Variants in HPS5 observed in about 807,000 individuals in gnomAD.
HPS5 encodes the protein BLOC-2 complex member HPS5.
Under a neutral mutation model 128.0 loss-of-function variants are expected in HPS5, and 83 were observed. The ratio of observed to expected loss-of-function variants is 0.65; its 90% CI spans 0.54 to 0.78. HPS5 has a LOEUF of 0.78. Among genes scored for constraint, HPS5 ranks in the 30% least tolerant of loss-of-function variants. The pLI is 0.00. For missense variants in HPS5, 1,281 were observed against 1,326.2 expected, an observed-to-expected ratio of 0.97 and a Z score of 0.53; for synonymous variants, 475 against 470.2, an observed-to-expected ratio of 1.01 and a Z score of -0.13.
At chr11:18,288,385 C>T (rs1287435339) in intron 16 of HPS5, among the ~76,000 whole-genome samples, 1 of 152,106 alleles carries the variant, frequency 6.6e-6, no homozygotes, top group East Asian at 1.9e-4. Context: ...TGCCAAGTTG[C>T]TCAGTTTTTT....
Position 18,279,631 on chromosome 11 carries a change from A to C in HPS5, c.*251T>G. On this transcript the variant is annotated 3_prime_UTR_variant, in exon 23 of 23. Coordinates refer to ENST00000349215, the MANE Select transcript of HPS5 (RefSeq NM_181507.2). ...AACATTCTAATTCCAGCAAACAAGG[A>C]CTGACTCTTTTCAAAATTCAACTTT... The C allele has an allele frequency of 1.8e-6, 1 of 543,780 alleles. No individual in the cohort carries two copies. Among genetic ancestry groups the C allele is most frequent in the Non-Finnish European group, 3.3e-6 (1 of 303,306 alleles). The allele number at this position is 543,780 out of a possible 1,614,324, so 33.7% of individuals were successfully genotyped here.
At chr11:18,317,494 G>A (rs1032038851) in intron 2 of HPS5, among the ~76,000 whole-genome samples, 2 of 152,104 alleles carry the variant, frequency 1.3e-5, no homozygotes, top group African/African-American at 4.8e-5. Flanking sequence ...TGCCTCAAGT[G>A]ATCCACCCAC....
intron 21 of HPS5, 92 bp from the exon 22 acceptor site, chr11:18,282,312 A>G: frequency 7.2e-7 from 1 of 1,390,452 alleles, no homozygotes. Context: ...GTTTAATGCC[A>G]AAACGTAAAA....
In HPS5 at chr11:18,287,625, G is replaced by A. The variant is rs758438791; in HGVS notation, c.2627C>T (p.Pro876Leu). 1 of 1,614,050 alleles carries A rather than the reference G, an allele frequency of 6.2e-7. No homozygotes were observed. The highest frequency in any genetic ancestry group is 1.1e-5 in the South Asian group (1 of 91,078). Residue 876 changes from proline to leucine, a missense_variant, in exon 18 of 23, where the codon CCA becomes CTA. Physicochemically the swap from Pro to Leu is moderately conservative, Grantham distance 98. Coordinates refer to ENST00000349215, the MANE Select transcript of HPS5 (RefSeq NM_181507.2). ...ATGACAAAGTTGTATGATATCCGATGGCAAAATGGATGGAAAGAACTTGAT... is the reference window on the plus strand; with the variant it reads ...ATGACAAAGTTGTATGATATCCGATAGCAAAATGGATGGAAAGAACTTGAT... ...SLIKFFPSIL[P>L]SDIIQLCHHH...
At chr11:18,318,651 G>A (rs534067198) in intron 1 of HPS5, among the ~76,000 whole-genome samples, 2 of 151,950 alleles carry the variant, frequency 1.3e-5, no homozygotes, top group South Asian at 2.1e-4. Flanking sequence ...CCAATCTCCA[G>A]AAAAAAAGAA....
chr11:18,298,049 C>T (rs1286082304), intron 10 of HPS5, among the ~76,000 whole-genome samples: 1 of 149,528 alleles, frequency 6.7e-6, no homozygotes, highest in Non-Finnish European at 1.5e-5. Context: ...CATTGCACTC[C>T]ACTCCAGCCT....
intron 15 of HPS5, among the ~76,000 whole-genome samples, chr11:18,292,359 T>A (rs888207129): frequency 6.6e-6 from 1 of 152,004 alleles, no homozygotes; most frequent in African/African-American, 2.4e-5. Context: ...CTACACCCAC[T>A]ACACACAGCT....
At chr11:18,295,258 A>C in intron 13 of HPS5, 89 bp from the exon 14 acceptor site, 2 of 1,300,030 alleles carry the variant, frequency 1.5e-6, no homozygotes, top group Non-Finnish European at 1.1e-6. Context: ...CTCCCTAATA[A>C]GTCCTAGGGA....
rs1251246229 is a variant in HPS5, at chr11:18,285,400, A to G, written c.2897T>C (p.Leu966Pro). ...CTCTTTGGTTATAAAATCTGCAGGA[A>G]GTTTAATTAGATGAAGGATCAGCTG... is the stretch of plus-strand genomic sequence containing the variant. Reference protein sequence around the residue: ...YSQLILHLIKLPADFITKEKM... With the variant: ...YSQLILHLIKPPADFITKEKM... The change falls in exon 20 of 23, where the codon CTT becomes CCT. Residue 966 changes from leucine (L) to proline (P), a missense_variant. Coordinates refer to ENST00000349215, the MANE Select transcript of HPS5 (RefSeq NM_181507.2). The G allele has an allele frequency of 6.2e-7, 1 of 1,613,728 alleles. No homozygotes were observed. Among genetic ancestry groups the G allele is most frequent in the Non-Finnish European group, 8.5e-7 (1 of 1,179,726 alleles).
chr11:18,306,385 CA>C lies in HPS5; in HGVS notation c.612-39del, dbSNP rs750303551. ...AAGGAAGAGAAAGCAGATTTACTTACAAAAAAAAGTCAAAAACAACGGCACT... is the reference window on the plus strand; with the variant it reads ...AAGGAAGAGAAAGCAGATTTACTTACAAAAAAAGTCAAAAACAACGGCACT... On this transcript the variant is annotated intron_variant, in intron 6 of 22. Transcript: ENST00000349215. 140 of 1,497,582 alleles carry C rather than the reference CA, an allele frequency of 9.3e-5. No homozygotes were observed. In the Middle Eastern group the frequency reaches 1.4e-3, roughly 15 times the overall value. 92.8% of individuals were successfully genotyped at this position (1,497,582 alleles called of 1,614,324 possible). A position where few individuals can be genotyped will look rare whatever the true frequency, so the allele number is the denominator to read the frequency against.
chr11:18,288,465 TTTTTTTA>T (rs1443330533), intron 16 of HPS5, among the ~76,000 whole-genome samples: 1 of 152,146 alleles, frequency 6.6e-6, no homozygotes, highest in Non-Finnish European at 1.5e-5. Context: ...ATATTTGACC[TTTTTTTA>T]AAGTTACCAG....
At position 18,292,010 on chromosome 11, in the gene HPS5, T is replaced by C; in HGVS notation, c.1872A>G (p.Leu624=). The C allele has an allele frequency of 3.1e-6, 5 of 1,613,634 alleles. No homozygotes were observed. The highest frequency in any genetic ancestry group is 1.1e-5 in the South Asian group (1 of 91,058). Reference sequence around the variant, plus strand: ...ATTCAAATAAAACCAGAGGGTCCTGTAGCTTGGTCCTATACAAGACAGACA... The same window carrying C: ...ATTCAAATAAAACCAGAGGGTCCTGCAGCTTGGTCCTATACAAGACAGACA... The part of the protein sequence containing the change: ...KVATAEAMTK[L]QDPLVLFESE... Residue 624 remains leucine, a synonymous_variant, in exon 16 of 23, where the codon CTA becomes CTG. Coordinates refer to ENST00000349215, the MANE Select transcript of HPS5 (RefSeq NM_181507.2).
At chr11:18,311,477 T>G (rs1463164929) in intron 3 of HPS5, 26 bp from the exon 4 acceptor site, 1 of 1,423,856 alleles carries the variant, frequency 7.0e-7, no homozygotes, top group Non-Finnish European at 9.7e-7. Flanking sequence ...AAATACATTT[T>G]TTAAATCTCA....
intron 19 of HPS5, among the ~76,000 whole-genome samples, chr11:18,285,985 C>T (rs185829907): frequency 4.0e-4 from 61 of 152,328 alleles, no homozygotes; most frequent in African/African-American, 1.4e-3. Context: ...GGCTTAATCA[C>T]CAAGGTCTCT....
intron 9 of HPS5, among the ~76,000 whole-genome samples, chr11:18,299,605 C>T (rs1256154355): frequency 1.3e-5 from 2 of 152,184 alleles, no homozygotes; most frequent in East Asian, 3.8e-4. Context: ...ATTTCCCCCA[C>T]TTCTGGTTTT....
At chr11:18,306,966 TA>T (rs1862447479) in intron 6 of HPS5, among the ~76,000 whole-genome samples, 1 of 152,194 alleles carries the variant, frequency 6.6e-6, no homozygotes, top group Non-Finnish European at 1.5e-5. Flanking sequence ...TCCTGTTACT[TA>T]CTCTCCATGA....
chr11:18,308,500 G>C (rs1169648617), intron 6 of HPS5, among the ~76,000 whole-genome samples: 32 of 152,088 alleles, frequency 2.1e-4, no homozygotes, highest in Admixed American at 2.1e-3. Context: ...TCTAACATCA[G>C]CTTGCATACA....
chr11:18,292,806 T>C, intron 15 of HPS5, 93 bp downstream of exon 15: 1 of 925,226 alleles, frequency 1.1e-6, no homozygotes, highest in Admixed American at 1.7e-5. Context: ...ATATATTTCA[T>C]ACAAGGCCCA....
Position 18,297,554 on chromosome 11 carries a change from C to T in HPS5, c.1323+5G>A. 1.2e-6 allele frequency: 2 copies of T among 1,612,926 alleles called. No individual in the cohort carries two copies. Among genetic ancestry groups the T allele is most frequent in the South Asian group, 1.1e-5 (1 of 91,028 alleles). Reference sequence around the variant, plus strand: ...ACAAAATCCTTTAAAGGTGAGAATACTTACATGTGATGAAATGGAGCTTCT... The same window carrying T: ...ACAAAATCCTTTAAAGGTGAGAATATTTACATGTGATGAAATGGAGCTTCT... On this transcript the variant is annotated splice_donor_5th_base_variant and intron_variant, in intron 11 of 22. Coordinates refer to ENST00000349215, the MANE Select transcript of HPS5 (RefSeq NM_181507.2).
Sources: gnomAD v4.1 joint callset for allele counts (sites outside exome capture counted in the v4.1 genomes callset) on GRCh38, gnomAD v4.1.1 for gene constraint, MANE v1.5 for transcripts, NCBI Gene and HGNC (gene_info 2026-07-23, HGNC 2026-07-21) for gene names.